PCDH15: variants seen among roughly 807,000 people sequenced by gnomAD.
The protein encoded by PCDH15 is protocadherin-15.
PCDH15 carries 129 observed loss-of-function variants against 178.5 expected under a neutral mutation model. The observed-to-expected ratio is 0.72, with a 90% CI of 0.63 to 0.84. The LOEUF (loss-of-function observed/expected upper bound fraction) is 0.84. Among genes scored for constraint, PCDH15 ranks in the 40% least tolerant of loss-of-function variants. The pLI is 0.00. For synonymous variants in PCDH15, 800 were observed against 732.0 expected, an observed-to-expected ratio of 1.09 and a Z score of -1.50; for missense variants, 2,230 against 2,099.9, an observed-to-expected ratio of 1.06 and a Z score of -1.21.
chr10:54,229,509 A>G (rs1282027170), intron 9 of PCDH15, among the ~76,000 whole-genome samples: 1 of 152,104 alleles, frequency 6.6e-6, no homozygotes, highest in African/African-American at 2.4e-5. Flanking sequence ...TTGAATTGTA[A>G]CTCCCACAGT....
At position 54,081,504 on chromosome 10, in the gene PCDH15, C is replaced by T. The variant is rs79689479; in HGVS notation, c.1998-2080G>A. ...GTTTTTATGTAATACGCGGGCCTTG[C>T]GACTCAGTGTTGTAGGCAGTTGTGT... On this transcript the variant is annotated intron_variant, in intron 16 of 37. Coordinates refer to ENST00000644397, the MANE Select transcript of PCDH15 (RefSeq NM_001384140.1). Among the ~76,000 whole-genome samples the T allele has an allele frequency of 6.1e-4, 92 of 152,030 alleles. 5 individuals are homozygous for T. Among genetic ancestry groups the T allele is most frequent in the African/African-American group, 2.0e-3 (84 of 41,458 alleles).
chr10:55,241,806 C>T (rs1166341982), intron 1 of PCDH15, among the ~76,000 whole-genome samples: 1 of 152,176 alleles, frequency 6.6e-6, no homozygotes, highest in Non-Finnish European at 1.5e-5. Context: ...ATCAAAAGCA[C>T]AATTTCATTC....
At chr10:53,922,531 T>C (rs1424693655) in intron 25 of PCDH15, among the ~76,000 whole-genome samples, 2 of 152,198 alleles carry the variant, frequency 1.3e-5, no homozygotes, top group Non-Finnish European at 2.9e-5. Flanking sequence ...TAATTTCATA[T>C]ATACAATTTT....
chr10:54,396,380 C>G (rs1443798762), intron 3 of PCDH15, among the ~76,000 whole-genome samples: 1 of 152,146 alleles, frequency 6.6e-6, no homozygotes, highest in African/African-American at 2.4e-5. Context: ...TTGCTGTCTT[C>G]CATGTATATA....
chr10:55,319,374 G>A (rs1843822973), intron 1 of PCDH15, among the ~76,000 whole-genome samples: 1 of 152,060 alleles, frequency 6.6e-6, no homozygotes, highest in Non-Finnish European at 1.5e-5. Context: ...GAAAACAAAG[G>A]AGTTTCATTG....
intron 2 of PCDH15, among the ~76,000 whole-genome samples, chr10:55,014,975 C>A (rs1185390964): frequency 6.6e-6 from 1 of 152,114 alleles, no homozygotes; most frequent in Non-Finnish European, 1.5e-5. Flanking sequence ...AATCTCAGCA[C>A]TTTGGGAGGC....
intron 2 of PCDH15, among the ~76,000 whole-genome samples, chr10:54,588,332 A>T (rs2091643142): frequency 6.6e-6 from 1 of 152,186 alleles, no homozygotes; most frequent in African/African-American, 2.4e-5. Flanking sequence ...TAGTAATGAC[A>T]ATATATTTGT....
intron 2 of PCDH15, among the ~76,000 whole-genome samples, chr10:55,454,395 T>C (rs904715525): frequency 2.0e-5 from 3 of 152,050 alleles, no homozygotes; most frequent in African/African-American, 7.2e-5. Flanking sequence ...GTATTGAAAC[T>C]GAGAAAAACA....
chr10:53,840,838 T>TA (rs1302364534), intron 28 of PCDH15, among the ~76,000 whole-genome samples: 1 of 152,200 alleles, frequency 6.6e-6, no homozygotes, highest in Admixed American at 6.5e-5. Context: ...CATGGGGTCT[T>TA]AGAACCCTTG....
chr10:54,476,666 A>G (rs977841026), intron 3 of PCDH15, among the ~76,000 whole-genome samples: 2 of 152,132 alleles, frequency 1.3e-5, no homozygotes, highest in African/African-American at 4.8e-5. Context: ...TTGTTTGTTC[A>G]TAACATGTAC....
intron 2 of PCDH15, among the ~76,000 whole-genome samples, chr10:55,551,660 T>C (rs1169931123): frequency 1.3e-5 from 2 of 151,786 alleles, no homozygotes; most frequent in Admixed American, 1.3e-4. Context: ...GATATATGAA[T>C]AGAGGAAGGA....
intron 2 of PCDH15, among the ~76,000 whole-genome samples, chr10:55,355,709 T>C (rs1156563395): frequency 2.6e-5 from 4 of 151,990 alleles, no homozygotes; most frequent in African/African-American, 7.2e-5. Context: ...TTCCTCTTAA[T>C]AGTGCCATTC....
At chr10:54,957,650 T>C (rs1363151725) in intron 2 of PCDH15, among the ~76,000 whole-genome samples, 2 of 151,468 alleles carry the variant, frequency 1.3e-5, no homozygotes, top group Admixed American at 6.6e-5. Context: ...GATCTCTCCA[T>C]AGCAGGAAGG....
chr10:54,911,296 A>T (rs1428140958), intron 2 of PCDH15, among the ~76,000 whole-genome samples: 2 of 152,198 alleles, frequency 1.3e-5, no homozygotes, highest in Non-Finnish European at 2.9e-5. Context: ...CTAAACCTCC[A>T]TTAGCCTTGT....
intron 23 of PCDH15, among the ~76,000 whole-genome samples, chr10:53,947,598 G>C (rs1388176370): frequency 6.6e-6 from 1 of 151,632 alleles, no homozygotes; most frequent in African/African-American, 2.4e-5. Context: ...TATAATCTTG[G>C]AGTAATTGCA....
intron 2 of PCDH15, among the ~76,000 whole-genome samples, chr10:54,954,069 GT>G (rs1442056628): frequency 6.6e-6 from 1 of 151,122 alleles, no homozygotes; most frequent in African/African-American, 2.4e-5. Flanking sequence ...TCTATATCAT[GT>G]TTTACAAGCA....
intron 23 of PCDH15, among the ~76,000 whole-genome samples, chr10:53,951,323 C>T (rs1389711942): frequency 6.6e-6 from 1 of 150,470 alleles, no homozygotes; most frequent in Non-Finnish European, 1.5e-5. Flanking sequence ...TCCCTCCCAC[C>T]CCCACCAAAA....
At chr10:54,022,511 T>C (rs2135313967) in intron 19 of PCDH15, among the ~76,000 whole-genome samples, 1 of 152,182 alleles carries the variant, frequency 6.6e-6, no homozygotes, top group South Asian at 2.1e-4. Context: ...CAAAGATAAA[T>C]GTGAAATAAA....
At chr10:55,284,120 A>G (rs1015565164) in intron 1 of PCDH15, among the ~76,000 whole-genome samples, 13 of 152,064 alleles carry the variant, frequency 8.5e-5, no homozygotes, top group African/African-American at 3.1e-4. Flanking sequence ...CATAATACAG[A>G]CTGCTGTCTA....
Sources: allele counts gnomAD v4.1 joint callset (sites outside exome capture counted in the v4.1 genomes callset), GRCh38; gene constraint gnomAD v4.1.1; transcripts MANE v1.5; gene names NCBI Gene and HGNC (gene_info 2026-07-23, HGNC 2026-07-21).